The following RPS6KC1 variants were observed in gnomAD, a reference collection of about 807,000 sequenced individuals.
RPS6KC1 encodes ribosomal protein S6 kinase C1.
In RPS6KC1, 54 loss-of-function variants were observed where a neutral mutation model predicts 103.8. The observed-to-expected ratio is 0.52, with a 90% CI of 0.42 to 0.65. The LOEUF is 0.65. Among genes scored for constraint, RPS6KC1 ranks in the 30% least tolerant of loss-of-function variants. The pLI is 0.00. For synonymous variants in RPS6KC1, 439 were observed against 438.7 expected (o/e 1.00, Z -0.01); for missense variants, 1,151 against 1,253.8 (o/e 0.92, Z 1.24).
the RPS6KC1 span, among the ~76,000 whole-genome samples, chr1:213,705,110 A>G: frequency 6.6e-6 from 1 of 152,222 alleles, no homozygotes; most frequent in Non-Finnish European, 1.5e-5. Flanking sequence ...GCCTGCTGTA[A>G]ACATTGCCTG....
At chr1:213,329,363 T>C in the RPS6KC1 span, among the ~76,000 whole-genome samples, 1 of 152,070 alleles carries the variant, frequency 6.6e-6, no homozygotes, top group Admixed American at 6.6e-5. Context: ...TTTAATTCCA[T>C]GTGGAGCTGG....
At chr1:213,454,310 C>T in the RPS6KC1 span, among the ~76,000 whole-genome samples, 2 of 152,068 alleles carry the variant, frequency 1.3e-5, no homozygotes, top group Non-Finnish European at 2.9e-5. Flanking sequence ...CCTTCAAGGG[C>T]TATTTTAAAA....
the RPS6KC1 span, among the ~76,000 whole-genome samples, chr1:213,658,150 T>C: frequency 2.0e-5 from 3 of 152,226 alleles, no homozygotes; most frequent in Non-Finnish European, 4.4e-5. Context: ...TTTTGTGTAA[T>C]GTTTAAAGAG....
chr1:213,397,588 T>TACACACACACACACACACACACACACAC, the RPS6KC1 span, among the ~76,000 whole-genome samples: 2 of 140,376 alleles, frequency 1.4e-5, no homozygotes, highest in African/African-American at 5.4e-5. Flanking sequence ...CAGGAACACA[T>TACACACACACACACACACACACACACAC]ACACACACAC....
the RPS6KC1 span, among the ~76,000 whole-genome samples, chr1:213,365,297 A>C: frequency 6.6e-6 from 1 of 152,206 alleles, no homozygotes; most frequent in Non-Finnish European, 1.5e-5. Context: ...TTAGCTATTT[A>C]TTCCCTCTTC....
the RPS6KC1 span, among the ~76,000 whole-genome samples, chr1:213,322,518 A>G: frequency 6.6e-6 from 1 of 152,204 alleles, no homozygotes; most frequent in Non-Finnish European, 1.5e-5. Context: ...ATTAGCTTCT[A>G]ATTGCTGCTG....
At chr1:213,669,285 G>T in the RPS6KC1 span, among the ~76,000 whole-genome samples, 31 of 152,232 alleles carry the variant, frequency 2.0e-4, no homozygotes, top group Non-Finnish European at 3.5e-4. Flanking sequence ...GGCAATTGTG[G>T]TGTTATTAAT....
the RPS6KC1 span, among the ~76,000 whole-genome samples, chr1:213,797,231 C>A: frequency 6.6e-6 from 1 of 152,192 alleles, no homozygotes; most frequent in Admixed American, 6.5e-5. Context: ...TTACAACAAA[C>A]TACTCTCTTA....
At chr1:213,604,289 T>C in the RPS6KC1 span, among the ~76,000 whole-genome samples, 1 of 152,262 alleles carries the variant, frequency 6.6e-6, no homozygotes, top group Non-Finnish European at 1.5e-5. Flanking sequence ...GTGCACGTGA[T>C]TCAAGAAACT....
At chr1:213,549,577 C>G in the RPS6KC1 span, among the ~76,000 whole-genome samples, 5 of 122,196 alleles carry the variant, frequency 4.1e-5, no homozygotes, top group Admixed American at 3.9e-4. Context: ...TTTTTCTTTT[C>G]TTTTCTTCTT....
the RPS6KC1 span, among the ~76,000 whole-genome samples, chr1:213,527,218 G>A: frequency 0.023 from 3,449 of 152,328 alleles, 53 homozygotes; most frequent in Non-Finnish European, 0.038. Flanking sequence ...CAATGCAGAG[G>A]AGGAGACTAG....
At chr1:213,051,560 C>G (rs368358311) in intron 1 of RPS6KC1, 51 bp downstream of exon 1, 4 of 1,343,338 alleles carry the variant, frequency 3.0e-6, no homozygotes, top group African/African-American at 1.4e-5. Context: ...ACCTGAGGAT[C>G]TGGGGTGGGG....
the RPS6KC1 span, among the ~76,000 whole-genome samples, chr1:213,686,586 C>G: frequency 1.3e-5 from 2 of 152,154 alleles, no homozygotes; most frequent in Non-Finnish European, 2.9e-5. Flanking sequence ...GTGCTAGACC[C>G]CATAAATGAG....
the RPS6KC1 span, among the ~76,000 whole-genome samples, chr1:213,806,318 C>T: frequency 4.0e-5 from 6 of 151,716 alleles, no homozygotes; most frequent in South Asian, 2.1e-4. Context: ...GGTGACAGAG[C>T]GAGACTCCGT....
At chr1:213,259,954 G>T (rs959868204) in intron 12 of RPS6KC1, among the ~76,000 whole-genome samples, 3 of 151,912 alleles carry the variant, frequency 2.0e-5, no homozygotes, top group African/African-American at 7.3e-5. Context: ...GGCCAGGCTG[G>T]TCCTGAACCT....
At chr1:213,299,947 G>T in the RPS6KC1 span, among the ~76,000 whole-genome samples, 1 of 152,120 alleles carries the variant, frequency 6.6e-6, no homozygotes, top group Non-Finnish European at 1.5e-5. Flanking sequence ...TGAGACTACA[G>T]GTGCCTGCCA....
the RPS6KC1 span, among the ~76,000 whole-genome samples, chr1:213,551,336 C>T: frequency 2.0e-5 from 3 of 151,992 alleles, no homozygotes; most frequent in Admixed American, 6.6e-5. Context: ...CATGTTCAGC[C>T]CAGACAAAAG....
the RPS6KC1 span, among the ~76,000 whole-genome samples, chr1:213,815,054 G>A: frequency 2.0e-5 from 3 of 152,124 alleles, no homozygotes; most frequent in Admixed American, 6.5e-5. Flanking sequence ...GGAGCCATTG[G>A]GGGATGATTG....
the RPS6KC1 span, among the ~76,000 whole-genome samples, chr1:213,309,942 C>T: frequency 2.6e-5 from 4 of 152,200 alleles, no homozygotes; most frequent in African/African-American, 9.6e-5. Flanking sequence ...GCCTTAACCT[C>T]CCAAAGTGCT....
Sources: gnomAD v4.1 joint callset for allele counts (sites outside exome capture counted in the v4.1 genomes callset) on GRCh38, gnomAD v4.1.1 for gene constraint, MANE v1.5 for transcripts, NCBI Gene and HGNC (gene_info 2026-07-23, HGNC 2026-07-21) for gene names.